MEI4: variants seen among roughly 807,000 people sequenced by gnomAD.
The protein encoded by MEI4 is meiotic double-stranded break formation protein 4, also known as meiosis-specific protein MEI4.
MEI4 carries 27 observed loss-of-function variants against 31.4 expected under a neutral mutation model. The ratio of observed to expected loss-of-function variants is 0.86; its 90% confidence interval spans 0.63 to 1.19. The LOEUF (loss-of-function observed/expected upper bound fraction) is 1.19. Ranked by LOEUF, MEI4 falls within the 50% of genes most tolerant of loss-of-function variation. The pLI is 0.00. For synonymous variants in MEI4, 122 were observed against 145.4 expected (o/e 0.84, Z 1.16); for missense variants, 329 against 398.9 (o/e 0.82, Z 1.49).
At chr6:77,844,415 A>C (rs1770431895) in intron 4 of MEI4, among the ~76,000 whole-genome samples, 1 of 152,188 alleles carries the variant, frequency 6.6e-6, no homozygotes. Flanking sequence ...AGAACATAAC[A>C]GAAGCCTTCC....
intron 3 of MEI4, among the ~76,000 whole-genome samples, chr6:77,766,077 T>G (rs1405015935): frequency 6.6e-6 from 1 of 152,180 alleles, no homozygotes; most frequent in Non-Finnish European, 1.5e-5. Context: ...CCATATATAT[T>G]AGGAAGCTGT....
At chr6:77,866,664 T>C (rs1024391360) in intron 4 of MEI4, among the ~76,000 whole-genome samples, 2 of 152,150 alleles carry the variant, frequency 1.3e-5, no homozygotes, top group African/African-American at 4.8e-5. Context: ...AAGTAATTTA[T>C]AGATTCAGTG....
rs1441808832 is a variant in MEI4 at position 77,923,580 on chromosome 6, A to G, written c.*234A>G. 2 of 289,844 alleles carry G rather than the reference A, an allele frequency of 6.9e-6. No individual in the cohort carries two copies. The highest frequency in any genetic ancestry group is 2.2e-5 in the African/African-American group (1 of 46,080). The allele number at this position is 289,844 out of a possible 1,614,324, so 18.0% of individuals were successfully genotyped here. ...GTAATGCCATCCTTATTCCCATGTA[A>G]CTGTATCTTATTTCACTCAATATAG... On this transcript the variant is annotated 3_prime_UTR_variant, in exon 5 of 5. Transcript: ENST00000684080.
intron 2 of MEI4, among the ~76,000 whole-genome samples, chr6:77,731,034 A>G (rs1311248051): frequency 6.6e-6 from 1 of 151,822 alleles, no homozygotes; most frequent in Non-Finnish European, 1.5e-5. Flanking sequence ...TTGTTGTTGG[A>G]CATTTGGGTT....
chr6:77,763,129 T>C (rs1768081733), intron 3 of MEI4, among the ~76,000 whole-genome samples: 2 of 152,070 alleles, frequency 1.3e-5, no homozygotes, highest in Non-Finnish European at 2.9e-5. Flanking sequence ...AAGAGTAGCC[T>C]TGGGAATTGT....
chr6:77,765,413 T>TC, intron 3 of MEI4, among the ~76,000 whole-genome samples: 1 of 151,918 alleles, frequency 6.6e-6, no homozygotes, highest in Admixed American at 6.5e-5. Context: ...TTTATTTTTT[T>TC]TTAAATTTTA....
intron 4 of MEI4, among the ~76,000 whole-genome samples, chr6:77,903,264 C>T (rs895428619): frequency 6.6e-6 from 1 of 152,090 alleles, no homozygotes; most frequent in African/African-American, 2.4e-5. Flanking sequence ...CAAAGCAATG[C>T]ACAATCAGCA....
At chr6:77,813,713 C>T (rs1469441689) in intron 3 of MEI4, among the ~76,000 whole-genome samples, 1 of 151,970 alleles carries the variant, frequency 6.6e-6, no homozygotes, top group Non-Finnish European at 1.5e-5. Flanking sequence ...TATTGCAAGT[C>T]ATTTGATCAT....
rs1462230026 is a variant in MEI4, at chr6:77,925,873, A to G, written c.*2527A>G. 6.7e-6 allele frequency: 1 copy of G among 150,212 alleles called. No homozygotes were observed. The highest frequency in any genetic ancestry group is 1.9e-4 in the East Asian group (1 of 5,136). 9.3% of individuals were successfully genotyped at this position (150,212 alleles called of 1,614,324 possible). A position where few individuals can be genotyped will look rare whatever the true frequency, so the allele number is the denominator to read the frequency against. ...TATTATACATATATATACGATATGT[A>G]TAATAAATACCAAATAGCCAGGTAC... On this transcript the variant is annotated 3_prime_UTR_variant, in exon 5 of 5. Coordinates refer to ENST00000684080, the MANE Select transcript of MEI4 (RefSeq NM_001322247.2).
At chr6:77,684,162 A>G (rs925597210) in intron 1 of MEI4, among the ~76,000 whole-genome samples, 2 of 149,880 alleles carry the variant, frequency 1.3e-5, no homozygotes, top group African/African-American at 2.5e-5. Flanking sequence ...TTTGTTATTC[A>G]TATGTCTTCT....
chr6:77,740,150 C>T (rs62419093), intron 2 of MEI4, among the ~76,000 whole-genome samples: 20,969 of 152,180 alleles, frequency 0.14, 1,530 homozygotes, highest in Middle Eastern at 0.21. Context: ...TTTAATTACA[C>T]TGTCGTCTGA....
rs1017491174 is a variant in MEI4, at chr6:77,913,331, T to C, written c.901-9758T>C. 2.0e-5 allele frequency among the ~76,000 whole-genome samples: 3 copies of C among 152,172 alleles called. No homozygotes were observed. The East Asian group carries it at 5.8e-4, about 29-fold the overall frequency. On this transcript the variant is annotated intron_variant, in intron 4 of 4. Transcript: ENST00000684080. ...CGAATTAGGGAGAATTCACTCCTCTTCAGTTGTTTGGAATAGTTTGAGGAT... is the reference window on the plus strand; with the variant it reads ...CGAATTAGGGAGAATTCACTCCTCTCCAGTTGTTTGGAATAGTTTGAGGAT...
At chr6:77,874,036 C>T (rs1175883365) in intron 4 of MEI4, among the ~76,000 whole-genome samples, 2 of 152,146 alleles carry the variant, frequency 1.3e-5, no homozygotes, top group African/African-American at 2.4e-5. Flanking sequence ...AGTCAGGTAG[C>T]CTGATGCCTC....
In MEI4 at chr6:77,745,210, A is replaced by G. The variant is rs113868437; in HGVS notation, c.233-15920A>G. The stretch of plus-strand genomic sequence containing the variant: ...AAGAGTCAAGACCCATCAGTGTGCT[A>G]TATTCAGTAAACCCATCTCACGTGC... On this transcript the variant is annotated intron_variant, in intron 2 of 4. Transcript: ENST00000684080. Among the ~76,000 whole-genome samples the G allele has an allele frequency of 5.2e-3, 792 of 152,304 alleles. 7 individuals carry two copies. The highest frequency in any genetic ancestry group is 0.019 in the African/African-American group (771 of 41,564).
intron 4 of MEI4, among the ~76,000 whole-genome samples, chr6:77,876,064 C>T (rs1771327637): frequency 1.3e-5 from 2 of 152,186 alleles, no homozygotes; most frequent in African/African-American, 2.4e-5. Flanking sequence ...GAGCCATAGA[C>T]ACTTTGTGAG....
chr6:77,708,899 A>G (rs1033911491), intron 2 of MEI4, among the ~76,000 whole-genome samples: 2 of 152,202 alleles, frequency 1.3e-5, no homozygotes, highest in Non-Finnish European at 2.9e-5. Flanking sequence ...CTGCAGAAAC[A>G]TGAGCCAAAT....
intron 2 of MEI4, among the ~76,000 whole-genome samples, chr6:77,750,789 ACT>A (rs1767750036): frequency 6.6e-6 from 1 of 151,986 alleles, no homozygotes; most frequent in African/African-American, 2.4e-5. Flanking sequence ...CATCTACAGG[ACT>A]CTCCACCCCA....
Position 77,902,055 on chromosome 6 carries a change from A to C in MEI4, c.901-21034A>C, listed in dbSNP as rs148020806. Among the ~76,000 whole-genome samples, 1,057 of 152,192 alleles carry C rather than the reference A, an allele frequency of 6.9e-3. 12 individuals are homozygous for C. Among genetic ancestry groups the C allele is most frequent in the African/African-American group, 0.024 (996 of 41,536 alleles). On this transcript the variant is annotated intron_variant, in intron 4 of 4. Coordinates refer to ENST00000684080, the MANE Select transcript of MEI4 (RefSeq NM_001322247.2). ...TTTCTGGTTCACTGTTTTCTGATCC[A>C]CTGGACTATGTCTGTTGTTAGTCCA... is the stretch of plus-strand genomic sequence containing the variant.
rs956554078 is a variant in MEI4, at chr6:77,820,351, G to C, written c.769-8580G>C. 1.3e-5 allele frequency among the ~76,000 whole-genome samples: 2 copies of C among 151,670 alleles called. No individual in the cohort carries two copies. The highest frequency in any genetic ancestry group is 4.8e-5 in the African/African-American group (2 of 41,316). On this transcript the variant is annotated intron_variant, in intron 3 of 4. Coordinates refer to ENST00000684080, the MANE Select transcript of MEI4 (RefSeq NM_001322247.2). The surrounding 1 kb of genome is among the most constrained non-coding windows in gnomAD (Gnocchi z 4.5). ...TTGGCTCACTGCTGCAGCTTCCACC[G>C]CTCGGGTTCAAGCAGTTCTCCTGCC...
Sources: allele counts gnomAD v4.1 joint callset (sites outside exome capture counted in the v4.1 genomes callset), GRCh38; gene constraint gnomAD v4.1.1; non-coding constraint Gnocchi (gnomAD v3.1); transcripts MANE v1.5; gene names NCBI Gene and HGNC (gene_info 2026-07-23, HGNC 2026-07-21).